Variants in CECR2 observed in about 807,000 individuals in gnomAD.
The protein encoded by CECR2 is CECR2 histone acetyl-lysine reader.
Under a neutral mutation model 154.5 loss-of-function variants are expected in CECR2, and 30 were observed. The observed-to-expected ratio is 0.19, with a 90% CI of 0.15 to 0.26. The LOEUF is 0.26. Among genes scored for constraint, CECR2 ranks in the 10% least tolerant of loss-of-function variants. CECR2 has a pLI of 1.00. For synonymous variants in CECR2, 725 were observed against 683.7 expected, an observed-to-expected ratio of 1.06 and a Z score of -0.94; for missense variants, 1,743 against 1,829.3, an observed-to-expected ratio of 0.95 and a Z score of 0.86.
At chr22:17,440,910 G>A (rs966531373) in intron 1 of CECR2, among the ~76,000 whole-genome samples, 6 of 138,998 alleles carry the variant, frequency 4.3e-5, no homozygotes, top group African/African-American at 1.6e-4. Context: ...AATTTCATGG[G>A]TATTCAGCTG....
chr22:17,477,105 A>T (rs979689318), intron 1 of CECR2: 2 of 722,712 alleles, frequency 2.8e-6, no homozygotes, highest in Non-Finnish European at 2.6e-6. Flanking sequence ...AACAAATGCC[A>T]TTCAAAATAC....
At chr22:17,538,775 C>A in intron 12 of CECR2, 44 bp downstream of exon 12, 1 of 1,511,764 alleles carries the variant, frequency 6.6e-7, no homozygotes, top group Non-Finnish European at 9.1e-7. Context: ...GTGTGTATAT[C>A]TTTCTTGGGT....
intron 1 of CECR2, among the ~76,000 whole-genome samples, chr22:17,461,792 CTT>C (rs145094879): frequency 2.4e-4 from 33 of 137,140 alleles, no homozygotes; most frequent in Admixed American, 2.2e-4. Context: ...GTACCCGTTA[CTT>C]TTTTTTTTTT....
chr22:17,524,059 C>T (rs2056206863), intron 8 of CECR2, 59 bp from the exon 9 acceptor site: 6 of 1,325,584 alleles, frequency 4.5e-6, no homozygotes, highest in Non-Finnish European at 6.3e-6. Context: ...GAACTGAGAG[C>T]AAAGAGCTTA....
At chr22:17,408,885 A>T (rs1425308713) in intron 1 of CECR2, among the ~76,000 whole-genome samples, 1 of 152,188 alleles carries the variant, frequency 6.6e-6, no homozygotes, top group African/African-American at 2.4e-5. Context: ...ACCATTGCTT[A>T]GTGGGGCCCA....
chr22:17,475,998 T>G (rs1382354777), intron 1 of CECR2, among the ~76,000 whole-genome samples: 1 of 151,414 alleles, frequency 6.6e-6, no homozygotes, highest in African/African-American at 2.4e-5. Flanking sequence ...TAGATCTCCA[T>G]TGTCTCCCGA....
At chr22:17,476,279 G>T (rs1459026115) in intron 1 of CECR2, among the ~76,000 whole-genome samples, 1 of 151,180 alleles carries the variant, frequency 6.6e-6, no homozygotes, top group Non-Finnish European at 1.5e-5. Context: ...TTTTTTGTTT[G>T]TTTGAGACAG....
At chr22:17,417,984 TA>T (rs145670034) in intron 1 of CECR2, among the ~76,000 whole-genome samples, 1 of 150,876 alleles carries the variant, frequency 6.6e-6, no homozygotes, top group Non-Finnish European at 1.5e-5. Flanking sequence ...TTCTTAGCCT[TA>T]AAAAAAAACA....
At chr22:17,477,932 G>T (rs2055237781) in intron 2 of CECR2, among the ~76,000 whole-genome samples, 1 of 152,104 alleles carries the variant, frequency 6.6e-6, no homozygotes, top group South Asian at 2.1e-4. Flanking sequence ...GGATACCCCA[G>T]CTAACATATT....
intron 1 of CECR2, among the ~76,000 whole-genome samples, chr22:17,381,035 T>C (rs1484865987): frequency 8.6e-6 from 1 of 116,200 alleles, no homozygotes. Flanking sequence ...CTTTTAGGTG[T>C]GGGGACAATT....
intron 1 of CECR2, among the ~76,000 whole-genome samples, chr22:17,431,489 T>TC (rs2054421585): frequency 6.6e-6 from 1 of 152,226 alleles, no homozygotes; most frequent in Non-Finnish European, 1.5e-5. Flanking sequence ...TGTTTGAACT[T>TC]CATCGGCTCT....
chr22:17,384,408 A>G (rs975456173), intron 1 of CECR2, among the ~76,000 whole-genome samples: 5 of 152,196 alleles, frequency 3.3e-5, no homozygotes, highest in African/African-American at 1.2e-4. Context: ...TTAAATAATA[A>G]GACTTGAAAG....
intron 9 of CECR2, among the ~76,000 whole-genome samples, chr22:17,525,318 AAG>A (rs2056244036): frequency 1.4e-5 from 2 of 143,304 alleles, no homozygotes; most frequent in African/African-American, 5.2e-5. Flanking sequence ...AAAAAAAAGA[AAG>A]GAAGGGAGGG....
chr22:17,516,664 G>A lies in CECR2; in HGVS notation c.954+4768G>A, dbSNP rs141386033. 2.9e-4 allele frequency among the ~76,000 whole-genome samples: 44 copies of A among 152,112 alleles called. No homozygotes were observed. The East Asian group carries it at 8.1e-3, about 28-fold the overall frequency. On this transcript the variant is annotated intron_variant, in intron 8 of 18. Coordinates refer to ENST00000262608, the MANE Select transcript of CECR2 (RefSeq NM_001290047.2). Reference sequence around the variant, plus strand: ...GACTGGAGTGCAATGGCACCATCTCGGCTCACTGCAACCTCCGTGTCCTGG... The same window carrying A: ...GACTGGAGTGCAATGGCACCATCTCAGCTCACTGCAACCTCCGTGTCCTGG...
intron 1 of CECR2, chr22:17,477,265 A>G (rs1260798385): frequency 4.7e-6 from 3 of 631,710 alleles, no homozygotes; most frequent in Non-Finnish European, 8.6e-6. Context: ...ACTCGATTAT[A>G]TATAATCAAA....
chr22:17,512,938 A>G (rs1462430940), intron 8 of CECR2, among the ~76,000 whole-genome samples: 3 of 152,130 alleles, frequency 2.0e-5, no homozygotes, highest in African/African-American at 7.2e-5. Context: ...CATAAATGGG[A>G]GGGCAGGGAA....
At chr22:17,537,070 G>A in intron 9 of CECR2, 33 bp from the exon 10 acceptor site, 1 of 1,611,924 alleles carries the variant, frequency 6.2e-7, no homozygotes, top group South Asian at 1.1e-5. Flanking sequence ...TCTGGAGTGT[G>A]CTTAGCTCAC....
rs765555591 is a variant in CECR2, at chr22:17,528,518, C to CT, written c.1108+4256dup. On this transcript the variant is annotated intron_variant, in intron 9 of 18. Transcript: ENST00000262608. ...TTGATAGCACAGCAGAGAAGTATGG[C>CT]TTTTTTTTTCTTTTCTTTTCTTTTT... Among the ~76,000 whole-genome samples the CT allele has an allele frequency of 4.8e-4, 73 of 151,182 alleles. 1 individual carries two copies. The highest frequency in any genetic ancestry group is 1.3e-3 in the South Asian group (6 of 4,768).
At chr22:17,533,626 T>C (rs535150195) in intron 9 of CECR2, among the ~76,000 whole-genome samples, 1 of 151,684 alleles carries the variant, frequency 6.6e-6, no homozygotes, top group East Asian at 1.9e-4. Context: ...TGAGGCTCTG[T>C]CTCCTAAAAA....
Sources: gnomAD v4.1 joint callset for allele counts (sites outside exome capture counted in the v4.1 genomes callset) on GRCh38, gnomAD v4.1.1 for gene constraint, MANE v1.5 for transcripts, NCBI Gene and HGNC (gene_info 2026-07-23, HGNC 2026-07-21) for gene names.